The following CTNNA3 variants were observed in gnomAD, a reference collection of about 807,000 sequenced individuals.
The protein encoded by CTNNA3 is catenin alpha 3.
CTNNA3 carries 76 observed loss-of-function variants against 95.7 expected under a neutral mutation model. The observed-to-expected ratio is 0.79, with a 90% CI of 0.66 to 0.96. CTNNA3 has a LOEUF of 0.96. CTNNA3 is among the 40% of genes least tolerant of loss of function. The pLI is 0.00. For missense variants in CTNNA3, 1,191 were observed against 1,089.8 expected (o/e 1.09, Z -1.31); for synonymous variants, 431 against 374.4 (o/e 1.15, Z -1.74).
At chr10:66,486,482 C>T (rs1839729996) in intron 11 of CTNNA3, among the ~76,000 whole-genome samples, 1 of 151,978 alleles carries the variant, frequency 6.6e-6, no homozygotes, top group Non-Finnish European at 1.5e-5. Flanking sequence ...CAGATCAAAG[C>T]CACGATAAGA....
intron 7 of CTNNA3, among the ~76,000 whole-genome samples, chr10:67,035,465 T>A (rs952722415): frequency 3.3e-5 from 5 of 152,188 alleles, no homozygotes; most frequent in African/African-American, 4.8e-5. Flanking sequence ...TATTTTTTTT[T>A]AATTTTGAAG....
At chr10:67,163,701 T>A (rs539295327) in intron 7 of CTNNA3, among the ~76,000 whole-genome samples, 196 of 152,034 alleles carry the variant, frequency 1.3e-3, no homozygotes, top group Non-Finnish European at 2.5e-3. Context: ...TATCTATACA[T>A]GACATAATTT....
At chr10:66,131,197 GC>G (rs1000557264) in intron 13 of CTNNA3, among the ~76,000 whole-genome samples, 15 of 152,130 alleles carry the variant, frequency 9.9e-5, no homozygotes, top group African/African-American at 3.6e-4. Flanking sequence ...TGGAGGAGGT[GC>G]CCCCTCTTCA....
At chr10:67,123,494 T>C (rs1218999738) in intron 7 of CTNNA3, among the ~76,000 whole-genome samples, 3 of 152,182 alleles carry the variant, frequency 2.0e-5, no homozygotes, top group Non-Finnish European at 1.5e-5. Context: ...TTTTGTCTTA[T>C]AACAAAAAAC....
intron 9 of CTNNA3, among the ~76,000 whole-genome samples, chr10:66,742,485 A>C (rs972469650): frequency 6.6e-6 from 1 of 152,114 alleles, no homozygotes; most frequent in African/African-American, 2.4e-5. Context: ...CTTGTGAAGC[A>C]TGTGATCTCT....
intron 11 of CTNNA3, among the ~76,000 whole-genome samples, chr10:66,498,917 T>C (rs565893816): frequency 6.6e-6 from 1 of 152,312 alleles, no homozygotes; most frequent in South Asian, 2.1e-4. Context: ...CTTGATCACT[T>C]TGGACGTTAC....
At chr10:67,194,200 C>A (rs1052033827) in intron 6 of CTNNA3, among the ~76,000 whole-genome samples, 15 of 152,024 alleles carry the variant, frequency 9.9e-5, no homozygotes, top group African/African-American at 3.6e-4. Flanking sequence ...TATAACCCAG[C>A]AATTGCACTT....
intron 5 of CTNNA3, among the ~76,000 whole-genome samples, chr10:67,290,796 T>A (rs1839806167): frequency 6.6e-6 from 1 of 152,178 alleles, no homozygotes; most frequent in Admixed American, 6.5e-5. Context: ...TGGCTAACAA[T>A]ATCAATTAAG....
intron 15 of CTNNA3, among the ~76,000 whole-genome samples, chr10:65,996,249 TGGGAGCAGCCCCA>T (rs1460077318): frequency 1.3e-5 from 2 of 152,120 alleles, no homozygotes; most frequent in African/African-American, 2.4e-5. Flanking sequence ...TTGCTATCAG[TGGGAGCAGCCCCA>T]GGCAGGCAAG....
chr10:65,948,005 C>T (rs377430885), intron 17 of CTNNA3, among the ~76,000 whole-genome samples: 41 of 152,276 alleles, frequency 2.7e-4, no homozygotes, highest in East Asian at 1.2e-3. Context: ...CGGCCAGGCG[C>T]GGTGGCTTAC....
intron 1 of CTNNA3, among the ~76,000 whole-genome samples, chr10:67,736,480 G>T (rs891425025): frequency 7.0e-6 from 1 of 141,864 alleles, no homozygotes; most frequent in Non-Finnish European, 1.5e-5. Context: ...TTTTGAGACG[G>T]AGTCTCTCTC....
At chr10:67,756,468 A>G (rs947641354) in intron 1 of CTNNA3, among the ~76,000 whole-genome samples, 1 of 152,204 alleles carries the variant, frequency 6.6e-6, no homozygotes, top group African/African-American at 2.4e-5. Flanking sequence ...CAATAAAAAT[A>G]AATAATTTTT....
Position 67,253,154 on chromosome 10 carries a change from C to T in CTNNA3, c.580-33284G>A, listed in dbSNP as rs567814669. Among the ~76,000 whole-genome samples, 5 of 152,242 alleles carry T rather than the reference C, an allele frequency of 3.3e-5. No individual in the cohort carries two copies. The South Asian group carries it at 8.3e-4, about 25-fold the overall frequency. On this transcript the variant is annotated intron_variant, in intron 5 of 17. Transcript: ENST00000433211. ...TTAAGCAAAATAAGGATTACTTACA[C>T]ACAAATGCTGCAATACTGTGATAGT...
intron 7 of CTNNA3, among the ~76,000 whole-genome samples, chr10:66,857,956 T>C (rs899812089): frequency 6.6e-6 from 1 of 152,102 alleles, no homozygotes; most frequent in African/African-American, 2.4e-5. Context: ...GTATGAGTGG[T>C]GAGACAGGGC....
At chr10:67,138,415 A>C (rs887590445) in intron 7 of CTNNA3, among the ~76,000 whole-genome samples, 3 of 152,222 alleles carry the variant, frequency 2.0e-5, no homozygotes, top group Non-Finnish European at 4.4e-5. Flanking sequence ...AAACTAAATA[A>C]GTAGATCCCT....
At chr10:67,425,404 A>C (rs558459064) in intron 5 of CTNNA3, among the ~76,000 whole-genome samples, 1 of 152,020 alleles carries the variant, frequency 6.6e-6, no homozygotes, top group South Asian at 2.1e-4. Context: ...GGAAGGAAGA[A>C]AGTTTCAAAA....
At chr10:66,293,752 G>A (rs1474176631) in intron 12 of CTNNA3, among the ~76,000 whole-genome samples, 3 of 147,758 alleles carry the variant, frequency 2.0e-5, no homozygotes, top group Admixed American at 6.8e-5. Flanking sequence ...TGCAACCTCC[G>A]CCTCCAGGGT....
chr10:67,603,360 T>C (rs1843149367), intron 3 of CTNNA3, among the ~76,000 whole-genome samples: 1 of 152,204 alleles, frequency 6.6e-6, no homozygotes, highest in South Asian at 2.1e-4. Context: ...TCCTATTGCC[T>C]AGTGACCTCA....
At chr10:66,624,159 T>G (rs1222174879) in intron 9 of CTNNA3, among the ~76,000 whole-genome samples, 9 of 152,294 alleles carry the variant, frequency 5.9e-5, no homozygotes, top group African/African-American at 2.2e-4. Flanking sequence ...CGGGAGTTTT[T>G]GGAGACAAAC....
Sources: allele counts gnomAD v4.1 joint callset (sites outside exome capture counted in the v4.1 genomes callset), GRCh38; gene constraint gnomAD v4.1.1; transcripts MANE v1.5; gene names NCBI Gene and HGNC (gene_info 2026-07-23, HGNC 2026-07-21).